ZMYND8: variants seen among roughly 807,000 people sequenced by gnomAD.
The protein encoded by ZMYND8 is zinc finger MYND-type containing 8, also known as MYND-type zinc finger-containing chromatin reader ZMYND8.
A neutral mutation model predicts 140.8 loss-of-function variants in ZMYND8; 37 were observed. That is an observed-to-expected ratio of 0.26 (90% CI 0.20 to 0.35). The LOEUF is 0.35. Among genes scored for constraint, ZMYND8 ranks in the 10% least tolerant of loss-of-function variants. ZMYND8 has a pLI of 1.00. For synonymous variants in ZMYND8, 592 were observed against 597.1 expected, an observed-to-expected ratio of 0.99 and a Z score of 0.12; for missense variants, 1,068 against 1,570.0, an observed-to-expected ratio of 0.68 and a Z score of 5.40.
chr20:47,343,162 G>T (rs914214021), intron 2 of ZMYND8, among the ~76,000 whole-genome samples: 19 of 152,138 alleles, frequency 1.2e-4, no homozygotes, highest in African/African-American at 4.3e-4. Flanking sequence ...ATGCATGCCT[G>T]TGGTCCCAGC....
At chr20:47,238,358 A>G (rs924196593) in intron 15 of ZMYND8, 14 of 191,940 alleles carry the variant, frequency 7.3e-5, no homozygotes, top group Admixed American at 3.3e-4. Flanking sequence ...CATGATGCGC[A>G]CATATATACA....
At chr20:47,242,619 C>T (rs1420089985) in intron 14 of ZMYND8, among the ~76,000 whole-genome samples, 5 of 152,212 alleles carry the variant, frequency 3.3e-5, no homozygotes, top group Non-Finnish European at 4.4e-5. Context: ...GCAAAATGGT[C>T]GTTTTCTCTC....
chr20:47,221,360 G>C lies in ZMYND8; in HGVS notation c.3371C>G (p.Ser1124Cys). Residue 1124 changes from serine (S) to cysteine (C), a missense_variant, in exon 20 of 23, where the codon TCC becomes TGC. By Grantham distance (112) the Ser-to-Cys change is moderately radical (BLOSUM62 -1). This residue lies in a region of ZMYND8 where 180 missense variants were observed against 187.8 expected (regional missense o/e 0.96). Transcript: ENST00000471951. ...QSAPSETASA[S>C]KEKETSAEKS... is the part of the protein sequence containing the mutation. ...CTCAGCTGACGTCTCCTTCTCTTTG[G>C]AGGCGCTGGCCGTTTCTGAAGGTGC... The C allele has an allele frequency of 6.2e-7, 1 of 1,614,182 alleles. No individual in the cohort carries two copies. Among genetic ancestry groups the C allele is most frequent in the Non-Finnish European group, 8.5e-7 (1 of 1,180,032 alleles).
intron 2 of ZMYND8, among the ~76,000 whole-genome samples, chr20:47,337,765 C>T (rs993169309): frequency 2.0e-5 from 3 of 152,110 alleles, no homozygotes; most frequent in South Asian, 2.1e-4. Flanking sequence ...TCATTACCCT[C>T]GGACACAAAT....
intron 14 of ZMYND8, among the ~76,000 whole-genome samples, chr20:47,243,422 C>G (rs2040197229): frequency 6.6e-6 from 1 of 152,222 alleles, no homozygotes; most frequent in Non-Finnish European, 1.5e-5. Context: ...CCACCATCTA[C>G]TAAAGCTTCC....
rs1229482369 is a variant in ZMYND8, at chr20:47,220,269, T to C, written c.3473A>G (p.Asn1158Ser). The C allele has an allele frequency of 1.3e-6, 2 of 1,562,980 alleles. No homozygotes were observed. The highest frequency in any genetic ancestry group is 1.9e-5 in the Admixed American group (1 of 53,140). ...ETPSSILLGS[N>S]QGSVSKRCDK... ...AGGGGGCAACATACCAGAGCCTTGG[T>C]TGGAGCCTAAGAGAATGGAGGAGGG... Residue 1158 changes from asparagine to serine, a missense_variant, in exon 21 of 23, where the codon AAC becomes AGC. Transcript: ENST00000471951.
chr20:47,282,081 A>C (rs547201941), intron 10 of ZMYND8, 21 bp downstream of exon 10: 1 of 1,600,878 alleles, frequency 6.2e-7, no homozygotes, highest in African/African-American at 1.3e-5. Context: ...TACATGTTCC[A>C]AGCCTGTTAT....
chr20:47,270,975 G>A (rs987027626), intron 11 of ZMYND8, among the ~76,000 whole-genome samples: 1 of 152,110 alleles, frequency 6.6e-6, no homozygotes, highest in African/African-American at 2.4e-5. Flanking sequence ...TACTCGGGAG[G>A]CTGAGGCAGG....
At chr20:47,290,313 T>C (rs1346903561) in intron 6 of ZMYND8, 39 bp from the exon 7 acceptor site, 2 of 1,577,216 alleles carry the variant, frequency 1.3e-6, no homozygotes, top group Admixed American at 1.8e-5. Flanking sequence ...ACAGTGAGTC[T>C]AGACAAGCCA....
At chr20:47,267,344 G>C (rs1238958015) in intron 11 of ZMYND8, among the ~76,000 whole-genome samples, 5 of 152,152 alleles carry the variant, frequency 3.3e-5, no homozygotes, top group African/African-American at 4.8e-5. Flanking sequence ...ACTAGACAGA[G>C]GTGGTGGCTG....
intron 2 of ZMYND8, among the ~76,000 whole-genome samples, chr20:47,339,504 T>TCTCA (rs2081657734): frequency 6.6e-6 from 1 of 151,976 alleles, no homozygotes. Flanking sequence ...TGAGACGGAG[T>TCTCA]CTCACTCTGT....
chr20:47,233,200 C>T (rs2038775908), intron 16 of ZMYND8, among the ~76,000 whole-genome samples: 1 of 144,808 alleles, frequency 6.9e-6, no homozygotes, highest in Non-Finnish European at 1.5e-5. Flanking sequence ...AGACACCGCA[C>T]CAGGCTTTTT....
At position 47,341,526 on chromosome 20, in the gene ZMYND8, CAA is replaced by C. The variant is rs112093006; in HGVS notation, c.85+6328_85+6329del. The stretch of plus-strand genomic sequence containing the variant: ...TAGGTGACAGAGCGAGACTCCATCT[CAA>C]AAAAAAAAAAAAAAAAAGAATCTAG... On this transcript the variant is annotated intron_variant, in intron 2 of 22. Coordinates refer to ENST00000471951, the MANE Select transcript of ZMYND8 (RefSeq NM_001281775.3). Among the ~76,000 whole-genome samples, 29 of 56,292 alleles carry C rather than the reference CAA, an allele frequency of 5.2e-4. No homozygotes were observed. In the East Asian group the frequency reaches 5.6e-3, roughly 11 times the overall value. The allele number at this position is 56,292 out of a possible 152,430, so 36.9% of individuals were successfully genotyped here. A position where few individuals can be genotyped will look rare whatever the true frequency, so the allele number is the denominator to read the frequency against.
chr20:47,261,177 C>T (rs1187121773), intron 12 of ZMYND8, among the ~76,000 whole-genome samples: 4 of 152,072 alleles, frequency 2.6e-5, no homozygotes, highest in African/African-American at 4.8e-5. Flanking sequence ...GCCAAGATCA[C>T]GCCATTGCAT....
At chr20:47,260,440 G>A (rs1443463497) in intron 12 of ZMYND8, among the ~76,000 whole-genome samples, 3 of 152,086 alleles carry the variant, frequency 2.0e-5, no homozygotes, top group Non-Finnish European at 4.4e-5. Flanking sequence ...CAGCCACCCT[G>A]GCCTCCTTGC....
Position 47,246,289 on chromosome 20 carries a change from A to G in ZMYND8, c.2003T>C (p.Leu668Pro). ...PTNPVEIKEE[L>P]KSTSPASEKA... ...CTCGCTGGCTGGTGACGTGCTTTTC[A>G]GCTCCTCTTTAATCTCCACTGGGTT... Residue 668 changes from leucine (L) to proline (P), a missense_variant, in exon 14 of 23, where the codon CTG (leucine) becomes CCG (proline). By Grantham distance (98) the Leu-to-Pro change is moderately conservative. This residue lies in a region of ZMYND8 where 383 missense variants were observed against 431.2 expected (regional missense o/e 0.89). Transcript: ENST00000471951. 6.2e-7 allele frequency: 1 copy of G among 1,614,056 alleles called. No homozygotes were observed. The highest frequency in any genetic ancestry group is 1.3e-5 in the African/African-American group (1 of 74,972).
In ZMYND8 at chr20:47,213,269, A is replaced by C. The variant is rs562522434; in HGVS notation, c.3485-544T>G. Among the ~76,000 whole-genome samples, 6 of 152,306 alleles carry C rather than the reference A, an allele frequency of 3.9e-5. No homozygotes were observed. In the South Asian group the frequency reaches 1.2e-3, roughly 32 times the overall value. On this transcript the variant is annotated intron_variant, in intron 21 of 22. Coordinates refer to ENST00000471951, the MANE Select transcript of ZMYND8 (RefSeq NM_001281775.3). ...CAGCTACGATGGTAGCACACCAACAAATCACCTCTGAAATCAGAGTCAAAA... is the reference window on the plus strand; with the variant it reads ...CAGCTACGATGGTAGCACACCAACACATCACCTCTGAAATCAGAGTCAAAA...
rs2037856473 is a variant in ZMYND8 at position 47,227,412 on chromosome 20, G to A, written c.2938-131C>T. 30 of 842,572 alleles carry A rather than the reference G, an allele frequency of 3.6e-5. No homozygotes were observed. The South Asian group carries it at 4.2e-4, about 12-fold the overall frequency. The allele number at this position is 842,572 out of a possible 1,614,324, so 52.2% of individuals were successfully genotyped here. ...AACCTTCCCACAGCTATAGTCCAGAGAGGTGATCACTGGTGGGTGAACCCA... is the reference window on the plus strand; with the variant it reads ...AACCTTCCCACAGCTATAGTCCAGAAAGGTGATCACTGGTGGGTGAACCCA... On this transcript the variant is annotated intron_variant, in intron 17 of 22. Transcript: ENST00000471951.
At chr20:47,355,095 A>G (rs2083110997) in intron 1 of ZMYND8, among the ~76,000 whole-genome samples, 1 of 152,112 alleles carries the variant, frequency 6.6e-6, no homozygotes, top group Non-Finnish European at 1.5e-5. Context: ...AGGGCTCTGC[A>G]CCTCTAAGAA....
Sources: gnomAD v4.1 joint callset for allele counts (sites outside exome capture counted in the v4.1 genomes callset) on GRCh38, gnomAD v4.1.1 for gene constraint, gnomAD v4.1.1 regional missense constraint, MANE v1.5 for transcripts, NCBI Gene and HGNC (gene_info 2026-07-23, HGNC 2026-07-21) for gene names.